Variants in ZNF563 observed in about 807,000 individuals in gnomAD.
ZNF563 encodes the protein zinc finger protein 563.
In ZNF563, 39 loss-of-function variants were observed where a neutral mutation model predicts 48.5. That is an observed-to-expected ratio of 0.80 (90% CI 0.62 to 1.05). The LOEUF is 1.05. ZNF563 is among the 50% of genes least tolerant of loss of function. ZNF563 has a pLI of 0.00. For missense variants in ZNF563, 538 were observed against 597.0 expected, an observed-to-expected ratio of 0.90 and a Z score of 1.03; for synonymous variants, 168 against 187.9, an observed-to-expected ratio of 0.89 and a Z score of 0.87.
At chr19:12,322,409 G>T (rs1340721957) in intron 2 of ZNF563, among the ~76,000 whole-genome samples, 176 bp downstream of exon 2, 5 of 152,164 alleles carry the variant, frequency 3.3e-5, no homozygotes, top group Admixed American at 3.3e-4. Context: ...TTAAGCTATG[G>T]TGGACAAAAA....
At position 12,319,022 on chromosome 19, in the gene ZNF563, G is replaced by C. The variant is rs555208908; in HGVS notation, c.1003C>G (p.Arg335Gly). The part of the protein sequence containing the change: ...QIHMKRHTGD[R>G]PHKCKICGKG... ...CCACATATCTTACATTTATGAGGTC[G>C]ATCTCCAGTGTGCCTTTTCATGTGT... The change falls in exon 4 of 4, where the codon CGA (arginine) becomes GGA (glycine). Residue 335 changes from arginine to glycine, a missense_variant. Transcript: ENST00000293725. The C allele has an allele frequency of 2.6e-4, 415 of 1,613,934 alleles. 3 individuals are homozygous for C. The South Asian group carries it at 4.2e-3, about 16-fold the overall frequency.
At chr19:12,333,650 G>C (rs933647248), upstream of ZNF563, 2 of 1,011,996 alleles carry the variant, frequency 2.0e-6, no homozygotes, top group Non-Finnish European at 2.7e-6. Context: ...AGAGCTGAGC[G>C]CAGGGGCGTG....
the ZNF563 span, among the ~76,000 whole-genome samples, chr19:12,344,912 C>A: frequency 6.6e-6 from 1 of 151,894 alleles, no homozygotes; most frequent in African/African-American, 2.4e-5. Context: ...AAATCAGCTG[C>A]TAACAATGAA....
chr19:12,340,965 A>G, the ZNF563 span, among the ~76,000 whole-genome samples: 1 of 152,138 alleles, frequency 6.6e-6, no homozygotes, highest in East Asian at 1.9e-4. Context: ...AAAAAAAGAA[A>G]AGAACACTGG....
chr19:12,319,909 G>T, intron 3 of ZNF563, 76 bp from the exon 4 acceptor site: 1 of 1,400,818 alleles, frequency 7.1e-7, no homozygotes, highest in Non-Finnish European at 9.6e-7. Context: ...AATAGGTATT[G>T]GATGTACTTT....
the ZNF563 span, among the ~76,000 whole-genome samples, chr19:12,341,864 C>T: frequency 2.0e-5 from 3 of 152,134 alleles, no homozygotes; most frequent in Admixed American, 6.5e-5. Flanking sequence ...AACAGACAGA[C>T]ATAATGACAT....
chr19:12,338,192 T>G (rs749491495), upstream of ZNF563, among the ~76,000 whole-genome samples: 7 of 152,168 alleles, frequency 4.6e-5, no homozygotes, highest in Non-Finnish European at 8.8e-5. Flanking sequence ...ATAAAGAAGC[T>G]GTCTCCCCAC....
chr19:12,337,877 G>T (rs146917897), upstream of ZNF563, among the ~76,000 whole-genome samples: 1 of 152,248 alleles, frequency 6.6e-6, no homozygotes, highest in African/African-American at 2.4e-5. Context: ...AGAGGCCAAG[G>T]CTAGAAGTTC....
chr19:12,319,542 C>T lies in ZNF563; in HGVS notation c.483G>A (p.Arg161=), dbSNP rs766666972. ...SYHHSFQSRG[R]PHTGKKRYEC... ...CATAGCGTTTCTTTCCAGTGTGAGG[C>T]CTTCCACGCGACTGAAAGGAGTGAT... Residue 161 remains arginine (R), a synonymous_variant, in exon 4 of 4, where the codon AGG becomes AGA. Coordinates refer to ENST00000293725, the MANE Select transcript of ZNF563 (RefSeq NM_145276.3). The T allele has an allele frequency of 1.5e-5, 25 of 1,614,042 alleles. No individual in the cohort carries two copies. The highest frequency in any genetic ancestry group is 2.1e-5 in the Non-Finnish European group (25 of 1,180,012).
chr19:12,318,409 T>A lies in ZNF563; in HGVS notation c.*185A>T. On this transcript the variant is annotated 3_prime_UTR_variant, in exon 4 of 4. Coordinates refer to ENST00000293725, the MANE Select transcript of ZNF563 (RefSeq NM_145276.3). ...GACAATGGTGTTAAAAAAAAATCGA[T>A]CACTTTCCCACATTCCTTATATCAT... is the stretch of plus-strand genomic sequence containing the variant. 1 of 711,852 alleles carries A rather than the reference T, an allele frequency of 1.4e-6. No individual in the cohort carries two copies. The highest frequency in any genetic ancestry group is 2.2e-6 in the Non-Finnish European group (1 of 446,334). The allele number at this position is 711,852 out of a possible 1,614,324, so 44.1% of individuals were successfully genotyped here. A position where few individuals can be genotyped will look rare whatever the true frequency, so the allele number is the denominator to read the frequency against.
In ZNF563 at chr19:12,333,449, A is replaced by G. The variant is rs779713491; in HGVS notation, c.3+31T>C. The G allele has an allele frequency of 5.7e-5, 92 of 1,612,596 alleles. No homozygotes were observed. The Middle Eastern group carries it at 6.6e-4, about 12-fold the overall frequency. On this transcript the variant is annotated intron_variant, in intron 1 of 3. Coordinates refer to ENST00000293725, the MANE Select transcript of ZNF563 (RefSeq NM_145276.3). The stretch of plus-strand genomic sequence containing the variant: ...GGACGGTTCCAACCAGCTCTTTCCC[A>G]CTTTTGGGACGCCTGACCCTGCACA...
chr19:12,321,315 G>C lies in ZNF563; in HGVS notation c.148C>G (p.Gln50Glu). 1 of 1,567,604 alleles carries C rather than the reference G, an allele frequency of 6.4e-7. No homozygotes were observed. Among genetic ancestry groups the C allele is most frequent in the South Asian group, 1.2e-5 (1 of 83,124 alleles). Residue 50 changes from glutamine (Q) to glutamate (E), a missense_variant, in exon 3 of 4, where the codon CAG (glutamine) becomes GAG (glutamate). Physicochemically the swap from Gln to Glu is conservative, Grantham distance 29. Coordinates refer to ENST00000293725, the MANE Select transcript of ZNF563 (RefSeq NM_145276.3). ...LDCIRMIWEE[Q>E]NTEDQYKNPR... ...TTTTTGTACTGATCTTCAGTATTCT[G>C]TTCTTCCCATATCATTCCTAAAAGG...
At chr19:12,336,889 ACAAATACATTTTCCTTTTAAG>A (rs1257930737), upstream of ZNF563, among the ~76,000 whole-genome samples, 1 of 152,218 alleles carries the variant, frequency 6.6e-6, no homozygotes, top group Non-Finnish European at 1.5e-5. Flanking sequence ...TAAGTATTGT[ACAAATACATTTTCCTTTTAAG>A]CAAACTGGCC....
rs112090017 is a variant in ZNF563, at chr19:12,321,689, C to T, written c.131-357G>A. On this transcript the variant is annotated intron_variant, in intron 2 of 3. Coordinates refer to ENST00000293725, the MANE Select transcript of ZNF563 (RefSeq NM_145276.3). ...CAAACTCCTGACCTCAAGTGATCTT[C>T]CCACCTCAGCCTCCCAAAATGCTGG... 5.5e-3 allele frequency among the ~76,000 whole-genome samples: 830 copies of T among 152,276 alleles called. 6 individuals are homozygous for T. Among genetic ancestry groups the T allele is most frequent in the African/African-American group, 0.019 (782 of 41,566 alleles).
At chr19:12,346,176 A>G in the ZNF563 span, 28 of 152,136 alleles carry the variant, frequency 1.8e-4, no homozygotes, top group Admixed American at 3.9e-4. Context: ...AGCACTTGGG[A>G]GCTGAAAAAA....
intron 1 of ZNF563, among the ~76,000 whole-genome samples, chr19:12,332,037 AT>A (rs1968930717): frequency 1.3e-5 from 2 of 152,162 alleles, no homozygotes; most frequent in Admixed American, 6.5e-5. Context: ...AGAATCATAT[AT>A]TGCTACCTGG....
intron 1 of ZNF563, among the ~76,000 whole-genome samples, chr19:12,327,965 G>A (rs1467658302): frequency 6.6e-6 from 1 of 152,144 alleles, no homozygotes; most frequent in Non-Finnish European, 1.5e-5. Context: ...TAGTTGGAGG[G>A]AAACAACTCA....
At chr19:12,323,191 C>T (rs547627848) in intron 1 of ZNF563, among the ~76,000 whole-genome samples, 1 of 152,320 alleles carries the variant, frequency 6.6e-6, no homozygotes, top group East Asian at 1.9e-4. Context: ...TGTATCTAAA[C>T]TGTTTGTGCA....
At chr19:12,343,729 T>C in the ZNF563 span, among the ~76,000 whole-genome samples, 39 of 141,054 alleles carry the variant, frequency 2.8e-4, 3 homozygotes, top group Admixed American at 4.9e-4. Context: ...TAAATTCTTT[T>C]TTTTTTTTTT....
Sources: allele counts gnomAD v4.1 joint callset (sites outside exome capture counted in the v4.1 genomes callset), GRCh38; gene constraint gnomAD v4.1.1; transcripts MANE v1.5; gene names NCBI Gene and HGNC (gene_info 2026-07-23, HGNC 2026-07-21).